The following CR1 variants were observed in gnomAD, a reference collection of about 807,000 sequenced individuals.
CR1 encodes the protein complement C3b/C4b receptor 1 (Knops blood group).
A neutral mutation model predicts 187.3 loss-of-function variants in CR1; 116 were observed. The ratio of observed to expected loss-of-function variants is 0.62; its 90% CI spans 0.53 to 0.72. The LOEUF (loss-of-function observed/expected upper bound fraction) is 0.72. Ranked by LOEUF, CR1 falls within the 30% of genes least tolerant of loss-of-function variation. The pLI, the probability that CR1 is intolerant of heterozygous loss-of-function variation, is 0.00. For missense variants in CR1, 1,731 were observed against 2,110.7 expected, an observed-to-expected ratio of 0.82 and a Z score of 3.52; for synonymous variants, 576 against 747.1, an observed-to-expected ratio of 0.77 and a Z score of 3.73.
chr1:207,610,207 T>C (rs1350541577), intron 37 of CR1, among the ~76,000 whole-genome samples: 2 of 152,096 alleles, frequency 1.3e-5, no homozygotes, highest in African/African-American at 4.8e-5. Context: ...GAAAAAGTGT[T>C]TTGCTCAAAT....
At position 207,496,475 on chromosome 1, in the gene CR1, G is replaced by C; in HGVS notation, c.121+87G>C. The C allele has an allele frequency of 8.3e-6, 11 of 1,329,646 alleles. 1 individual carries two copies. In the South Asian group the frequency reaches 1.7e-4, roughly 20 times the overall value. The allele number at this position is 1,329,646 out of a possible 1,614,324, so 82.4% of individuals were successfully genotyped here. The stretch of plus-strand genomic sequence containing the variant: ...GAACTCGCGTGCAGCGCTGAGCTGC[G>C]CTGCTCTGCGCGCCCGGGTCCGAAG... On this transcript the variant is annotated intron_variant, in intron 1 of 46. Transcript: ENST00000367049.
At chr1:207,509,695 T>C (rs1659556305) in intron 3 of CR1, among the ~76,000 whole-genome samples, 1 of 152,028 alleles carries the variant, frequency 6.6e-6, no homozygotes, top group African/African-American at 2.4e-5. Context: ...CCCCCATGAT[T>C]AGAAAATCAA....
At position 207,565,911 on chromosome 1, in the gene CR1, C is replaced by T. The variant is rs201872183; in HGVS notation, c.3940C>T (p.Pro1314Ser). The T allele has an allele frequency of 6.6e-5, 107 of 1,610,992 alleles. 1 individual carries two copies. The highest frequency in any genetic ancestry group is 8.7e-5 in the Non-Finnish European group (103 of 1,179,758). Reference protein sequence around the residue: ...GMESLWNSSVPVCEQIFCPSP... With the variant: ...GMESLWNSSVSVCEQIFCPSP... Reference sequence around the variant, plus strand: ...GGAAAGCCTTTGGAATAGCAGTGTTCCAGTGTGTGAACGTGAGTAATAGGA... The same window carrying T: ...GGAAAGCCTTTGGAATAGCAGTGTTTCAGTGTGTGAACGTGAGTAATAGGA... Residue 1314 changes from proline (P) to serine (S), a missense_variant, in exon 24 of 47, where the codon CCA (proline) becomes TCA (serine). Physicochemically the swap from Pro to Ser is moderately conservative, Grantham distance 74. Transcript: ENST00000367049.
intron 33 of CR1, among the ~76,000 whole-genome samples, chr1:207,586,163 G>A (rs1661106679): frequency 6.6e-6 from 1 of 151,826 alleles, no homozygotes; most frequent in African/African-American, 2.4e-5. Context: ...TTGAGAGAGA[G>A]GGTCTTACTC....
chr1:207,523,989 A>C lies in CR1; in HGVS notation c.866A>C (p.Glu289Ala), dbSNP rs1213631806. The C allele has an allele frequency of 6.2e-7, 1 of 1,611,788 alleles. No individual in the cohort carries two copies. Among genetic ancestry groups the C allele is most frequent in the Admixed American group, 1.7e-5 (1 of 60,004 alleles). ...KCQALNKWEPELPSCSRVCQP... is the reference protein window; with the variant it reads ...KCQALNKWEPALPSCSRVCQP... ...CAGGCCCTGAACAAATGGGAGCCGG[A>C]GCTACCAAGCTGCTCCAGGGGTGAG... is the stretch of plus-strand genomic sequence containing the variant. Residue 289 changes from glutamate to alanine, a missense_variant, in exon 5 of 47, where the codon GAG becomes GCG. Coordinates refer to ENST00000367049, the MANE Select transcript of CR1 (RefSeq NM_000651.6).
At chr1:207,598,544 C>T (rs1018703507) in intron 35 of CR1, among the ~76,000 whole-genome samples, 3 of 151,908 alleles carry the variant, frequency 2.0e-5, no homozygotes, top group Non-Finnish European at 2.9e-5. Context: ...CTCAGCCTGC[C>T]GAGTAGCTGG....
chr1:207,636,738 T>G (rs1489736223), intron 46 of CR1, among the ~76,000 whole-genome samples: 2 of 152,234 alleles, frequency 1.3e-5, no homozygotes, highest in African/African-American at 2.4e-5. Context: ...ATCTTTTGGA[T>G]CTATTTAAAA....
chr1:207,596,747 A>G (rs1661455736), intron 35 of CR1, among the ~76,000 whole-genome samples: 1 of 149,152 alleles, frequency 6.7e-6, no homozygotes, highest in Non-Finnish European at 1.5e-5. Flanking sequence ...AGGCTATTGC[A>G]AGTACGGTAC....
At chr1:207,630,779 T>A (rs1043152410) in intron 46 of CR1, among the ~76,000 whole-genome samples, 158 bp downstream of exon 46, 1 of 152,214 alleles carries the variant, frequency 6.6e-6, no homozygotes, top group African/African-American at 2.4e-5. Flanking sequence ...TTTATTGGAT[T>A]ATTATTGTCA....
chr1:207,628,688 T>C (rs1261303654), intron 45 of CR1, among the ~76,000 whole-genome samples: 2 of 152,224 alleles, frequency 1.3e-5, no homozygotes, highest in Non-Finnish European at 2.9e-5. Flanking sequence ...AATCTGACTC[T>C]ATATTACTGA....
intron 35 of CR1, among the ~76,000 whole-genome samples, chr1:207,602,394 T>C (rs987880610): frequency 6.6e-6 from 1 of 152,094 alleles, no homozygotes; most frequent in Non-Finnish European, 1.5e-5. Flanking sequence ...AAATTGACTA[T>C]TAAATAAAAC....
At chr1:207,565,577 G>A (rs1429299719) in intron 23 of CR1, among the ~76,000 whole-genome samples, 1 of 150,200 alleles carries the variant, frequency 6.7e-6, no homozygotes, top group Admixed American at 6.6e-5. Flanking sequence ...TGGGTCCTGG[G>A]TCAAGGGGAT....
intron 3 of CR1, among the ~76,000 whole-genome samples, chr1:207,509,697 G>C (rs1659556380): frequency 6.6e-6 from 1 of 152,044 alleles, no homozygotes; most frequent in African/African-American, 2.4e-5. Context: ...CCCATGATTA[G>C]AAAATCAAAA....
chr1:207,577,262 A>AAC lies in CR1; in HGVS notation c.4538-542_4538-541insCA, dbSNP rs71991877. ...TGAGGATCTGTTAAAACAAACAAAC[A>AAC]AACAAAAAAAAAACACATGGACTCT... is the stretch of plus-strand genomic sequence containing the variant. On this transcript the variant is annotated intron_variant, in intron 28 of 46. Transcript: ENST00000367049. Among the ~76,000 whole-genome samples, 77 of 100,940 alleles carry AAC rather than the reference A, an allele frequency of 7.6e-4. No individual in the cohort carries two copies. The East Asian group carries it at 0.024, about 31-fold the overall frequency. The allele number at this position is 100,940 out of a possible 152,430, so 66.2% of individuals were successfully genotyped here. A position where few individuals can be genotyped will look rare whatever the true frequency, so the allele number is the denominator to read the frequency against.
intron 4 of CR1, among the ~76,000 whole-genome samples, chr1:207,514,994 T>TAC (rs369482432): frequency 0.25 from 29,952 of 119,232 alleles, 3,941 homozygotes; most frequent in Admixed American, 0.34. Context: ...TATATATATA[T>TAC]ACACACACAC....
chr1:207,594,518 G>A (rs1661370545), intron 35 of CR1, among the ~76,000 whole-genome samples: 1 of 152,028 alleles, frequency 6.6e-6, no homozygotes, highest in Non-Finnish European at 1.5e-5. Flanking sequence ...TGGGTTGATG[G>A]TGCAGCAAAC....
chr1:207,636,279 T>A (rs200012180), intron 46 of CR1, among the ~76,000 whole-genome samples: 61 of 145,794 alleles, frequency 4.2e-4, no homozygotes, highest in South Asian at 8.9e-4. Flanking sequence ...CAGCAACTCC[T>A]GCGATTGCCT....
At position 207,588,748 on chromosome 1, in the gene CR1, A is replaced by C; in HGVS notation, c.5784A>C (p.Ser1928=). The C allele has an allele frequency of 6.2e-7, 1 of 1,611,486 alleles. No homozygotes were observed. Among genetic ancestry groups the C allele is most frequent in the Non-Finnish European group, 8.5e-7 (1 of 1,178,476 alleles). Residue 1928 remains serine, a synonymous_variant, in exon 35 of 47, where the codon TCA becomes TCC. Transcript: ENST00000367049. The part of the protein sequence containing the change: ...VHINTDTQFG[S]TVNYSCNEGF... ...TAAACACAGATACACAGTTTGGATC[A>C]ACAGTTAATTATTCTTGTAATGAAG...
chr1:207,508,116 T>C (rs1659500969), intron 3 of CR1, among the ~76,000 whole-genome samples: 1 of 152,108 alleles, frequency 6.6e-6, no homozygotes, highest in Non-Finnish European at 1.5e-5. Context: ...ACAGTGAAAA[T>C]ATCAGTGGTT....
Sources: gnomAD v4.1 joint callset for allele counts (sites outside exome capture counted in the v4.1 genomes callset) on GRCh38, gnomAD v4.1.1 for gene constraint, MANE v1.5 for transcripts, NCBI Gene and HGNC (gene_info 2026-07-23, HGNC 2026-07-21) for gene names.